ABCC9: variants seen among roughly 807,000 people sequenced by gnomAD.
ABCC9 encodes the protein ATP binding cassette subfamily C member 9, also known as ATP-binding cassette sub-family C member 9.
Under a neutral mutation model 188.3 loss-of-function variants are expected in ABCC9, and 95 were observed. That is an observed-to-expected ratio of 0.50 (90% confidence interval 0.43 to 0.60). The LOEUF is 0.60. ABCC9 is among the 20% of genes least tolerant of loss of function. The pLI is 0.00. For missense variants in ABCC9, 1,102 were observed against 1,876.3 expected (o/e 0.59, Z 7.62); for synonymous variants, 659 against 652.7 (o/e 1.01, Z -0.15).
At chr12:21,933,944 A>G in intron 3 of ABCC9, 21 bp from the exon 4 acceptor site, 4 of 1,613,288 alleles carry the variant, frequency 2.5e-6, no homozygotes, top group Non-Finnish European at 3.4e-6. Context: ...GAGAAAAGTT[A>G]AAAACAAAAA....
At chr12:21,848,539 A>G (rs903480715) in intron 24 of ABCC9, among the ~76,000 whole-genome samples, 3 of 152,200 alleles carry the variant, frequency 2.0e-5, no homozygotes, top group East Asian at 1.9e-4. Flanking sequence ...GCCCTAAAGC[A>G]TATTTCTACC....
chr12:21,817,078 C>T, intron 33 of ABCC9, 109 bp downstream of exon 33: 1 of 1,246,040 alleles, frequency 8.0e-7, no homozygotes, highest in Non-Finnish European at 1.2e-6. Context: ...AGAGAGTTTT[C>T]TGGATACTGA....
chr12:21,835,480 A>G (rs1592025903), intron 30 of ABCC9, among the ~76,000 whole-genome samples: 1 of 152,304 alleles, frequency 6.6e-6, no homozygotes, highest in Non-Finnish European at 1.5e-5. Flanking sequence ...ACCACAGTAG[A>G]TGATAATCAT....
chr12:21,802,276 T>C (rs189771569), intron 39 of ABCC9, among the ~76,000 whole-genome samples: 2 of 152,332 alleles, frequency 1.3e-5, no homozygotes, highest in Admixed American at 6.5e-5. Context: ...GTCTGACATA[T>C]ACAAACAAAT....
chr12:21,844,408 T>A, intron 28 of ABCC9, 75 bp downstream of exon 28: 1 of 1,230,124 alleles, frequency 8.1e-7, no homozygotes, highest in Non-Finnish European at 1.2e-6. Context: ...ATAGGAATTA[T>A]ACTTTATCTT....
chr12:21,927,793 T>A (rs1436408575), intron 4 of ABCC9, among the ~76,000 whole-genome samples: 2 of 152,142 alleles, frequency 1.3e-5, no homozygotes, highest in Non-Finnish European at 2.9e-5. Context: ...AATGTGAAAG[T>A]AGTATGGTAG....
At chr12:21,863,371 ATAAT>A (rs911592628) in intron 19 of ABCC9, among the ~76,000 whole-genome samples, 1 of 128,700 alleles carries the variant, frequency 7.8e-6, no homozygotes, top group African/African-American at 2.8e-5. Flanking sequence ...TTTTTAAAAA[ATAAT>A]TAAAAGATTA....
intron 29 of ABCC9, among the ~76,000 whole-genome samples, chr12:21,840,144 G>A (rs1312046539): frequency 6.6e-6 from 1 of 152,160 alleles, no homozygotes. Flanking sequence ...ACAAAGCTAA[G>A]CAAGCATTTG....
At position 21,864,461 on chromosome 12, in the gene ABCC9, G is replaced by C. The variant is rs201223488; in HGVS notation, c.2215C>G (p.Pro739Ala). 4.4e-6 allele frequency: 7 copies of C among 1,592,890 alleles called. No homozygotes were observed. Among genetic ancestry groups the C allele is most frequent in the Non-Finnish European group, 6.0e-6 (7 of 1,161,104 alleles). The change falls in exon 19 of 40, where the codon CCT (proline) becomes GCT (alanine). Residue 739 changes from proline (P) to alanine (A), a missense_variant. Around this residue, in one of 12 missense-constraint regions of ABCC9, gnomAD observed 258 missense variants for 325.6 expected, o/e 0.79. Coordinates refer to ENST00000261200, the MANE Select transcript of ABCC9 (RefSeq NM_020297.4). ...TACCTTCTGGTTGCTTCAAAAGAAGGCTCAGATTCATTTACACTGCAAGTA... is the reference window on the plus strand; with the variant it reads ...TACCTTCTGGTTGCTTCAAAAGAAGCCTCAGATTCATTTACACTGCAAGTA... ...VHWSNVNESE[P>A]SFEATRSRNR...
intron 17 of ABCC9, among the ~76,000 whole-genome samples, chr12:21,874,707 C>T (rs1946253111): frequency 6.6e-6 from 1 of 152,124 alleles, no homozygotes; most frequent in Non-Finnish European, 1.5e-5. Flanking sequence ...CTGCCATTCA[C>T]AACAACATGG....
intron 5 of ABCC9, chr12:21,923,967 C>A: frequency 1.8e-6 from 1 of 550,538 alleles, no homozygotes; most frequent in African/African-American, 1.9e-5. Context: ...TACGGATGAG[C>A]ATCAAAAAAT....
intron 39 of ABCC9, chr12:21,805,457 C>G (rs1941773563): frequency 4.1e-6 from 3 of 723,454 alleles, no homozygotes; most frequent in Non-Finnish European, 7.0e-6. Context: ...CTGTGGACTA[C>G]TGTAAGTGAG....
At chr12:21,892,474 A>G (rs1039026893) in intron 14 of ABCC9, among the ~76,000 whole-genome samples, 32 of 152,208 alleles carry the variant, frequency 2.1e-4, no homozygotes, top group Admixed American at 1.0e-3. Context: ...CCATTTATCA[A>G]TTTTATTGTT....
chr12:21,933,744 G>C lies in ABCC9; in HGVS notation c.284+38C>G, dbSNP rs368402586. The C allele has an allele frequency of 1.0e-4, 162 of 1,599,380 alleles. No individual in the cohort carries two copies. The Middle Eastern group carries it at 1.2e-3, about 11-fold the overall frequency. On this transcript the variant is annotated intron_variant, in intron 4 of 39. Transcript: ENST00000261200. ...ACTTGTGTAATCAATATACCCACTG[G>C]TATACTGCAGTGGTATTATTTAACT...
intron 5 of ABCC9, among the ~76,000 whole-genome samples, 157 bp downstream of exon 5, chr12:21,925,785 A>C (rs1450158566): frequency 6.6e-6 from 1 of 151,966 alleles, no homozygotes; most frequent in East Asian, 1.9e-4. Flanking sequence ...CCCCACATTT[A>C]CTGGGCAGCT....
intron 31 of ABCC9, among the ~76,000 whole-genome samples, chr12:21,819,004 G>A (rs951785904): frequency 2.6e-5 from 4 of 152,104 alleles, no homozygotes; most frequent in African/African-American, 4.8e-5. Context: ...ATGTCTTAAT[G>A]TATTTAAATA....
chr12:21,875,615 C>T (rs769907139), intron 17 of ABCC9, 39 bp downstream of exon 17: 3 of 1,432,604 alleles, frequency 2.1e-6, no homozygotes, highest in Admixed American at 3.4e-5. Flanking sequence ...TGGTTACGGT[C>T]ATGAACAATT....
At chr12:21,880,860 C>A (rs1029736564) in intron 16 of ABCC9, among the ~76,000 whole-genome samples, 1 of 152,014 alleles carries the variant, frequency 6.6e-6, no homozygotes, top group Non-Finnish European at 1.5e-5. Context: ...AGCAACTGTT[C>A]ACAATAGCCC....
chr12:21,925,816 T>C (rs1949021954), intron 5 of ABCC9, 126 bp downstream of exon 5: 1 of 1,054,290 alleles, frequency 9.5e-7, no homozygotes, highest in African/African-American at 1.6e-5. Context: ...TAATCACTGG[T>C]TTTCCCATAC....
Sources: allele counts gnomAD v4.1 joint callset (sites outside exome capture counted in the v4.1 genomes callset), GRCh38; gene constraint gnomAD v4.1.1; regional missense constraint gnomAD v4.1.1; transcripts MANE v1.5; gene names NCBI Gene and HGNC (gene_info 2026-07-23, HGNC 2026-07-21).